The following PRPF40B variants were observed in gnomAD, a reference collection of about 807,000 sequenced individuals.
PRPF40B encodes the protein pre-mRNA processing factor 40B, also known as pre-mRNA-processing factor 40 homolog B.
A neutral mutation model predicts 124.5 loss-of-function variants in PRPF40B; 56 were observed. The ratio of observed to expected loss-of-function variants is 0.45; its 90% confidence interval spans 0.36 to 0.56. The LOEUF (loss-of-function observed/expected upper bound fraction) is 0.56. PRPF40B is among the 20% of genes least tolerant of loss of function. The probability of loss-of-function intolerance (pLI) is 0.00; values close to 1 mark genes in which losing one functional copy is unlikely to be tolerated. For synonymous variants in PRPF40B, 443 were observed against 426.4 expected (o/e 1.04, Z -0.48); for missense variants, 1,053 against 1,169.5 (o/e 0.90, Z 1.45).
intron 15 of PRPF40B, 79 bp from the exon 16 acceptor site, chr12:49,636,637 G>T: frequency 6.3e-7 from 1 of 1,590,830 alleles, no homozygotes; most frequent in Non-Finnish European, 8.6e-7. Context: ...GGACAGCATC[G>T]TTGAAACATT....
chr12:49,623,673 C>CG, intron 1 of PRPF40B, 80 bp downstream of exon 1: 3 of 985,940 alleles, frequency 3.0e-6, no homozygotes, highest in Non-Finnish European at 3.6e-6. Flanking sequence ...GCCGATGGGG[C>CG]GGGGAGGCCG....
Position 49,644,012 on chromosome 12 carries a change from G to T in PRPF40B, c.2586+8G>T. ...GGAATCAAGAAGGAGAAGGTGAGGG[G>T]CAGGGGCCCTAGGCCAGTCAGCACG... On this transcript the variant is annotated splice_region_variant and intron_variant, in intron 25 of 25. Coordinates refer to ENST00000548825, the MANE Select transcript of PRPF40B (RefSeq NM_001031698.3). 1 of 1,614,140 alleles carries T rather than the reference G, an allele frequency of 6.2e-7. No individual in the cohort carries two copies. The highest frequency in any genetic ancestry group is 8.5e-7 in the Non-Finnish European group (1 of 1,180,016).
chr12:49,637,395 T>A, intron 16 of PRPF40B, 75 bp from the exon 17 acceptor site: 1 of 995,222 alleles, frequency 1.0e-6, no homozygotes, highest in Non-Finnish European at 1.6e-6. Context: ...CCTCTGCCAT[T>A]CCCTCTCTTC....
rs892130443 is a variant in PRPF40B, at chr12:49,632,578, C to G, written c.295-18C>G. The G allele has an allele frequency of 2.5e-6, 4 of 1,613,426 alleles. No individual in the cohort carries two copies. In the African/African-American group the frequency reaches 5.3e-5, roughly 22 times the overall value. On this transcript the variant is annotated intron_variant, in intron 4 of 25. Coordinates refer to ENST00000548825, the MANE Select transcript of PRPF40B (RefSeq NM_001031698.3). ...CTGGGCTTGGCCCCAACCCTTCCCCCTCCTCTTTCTTCGGCAGACGGCTCC... is the reference window on the plus strand; with the variant it reads ...CTGGGCTTGGCCCCAACCCTTCCCCGTCCTCTTTCTTCGGCAGACGGCTCC...
chr12:49,637,917 A>G (rs1942068786), intron 18 of PRPF40B, 93 bp downstream of exon 18: 1 of 1,038,992 alleles, frequency 9.6e-7, no homozygotes, highest in Non-Finnish European at 1.5e-6. Context: ...TTGCAGAAGC[A>G]TTACAGCTTG....
In PRPF40B at chr12:49,644,094, C is replaced by T. The variant is rs1943033240; in HGVS notation, c.2587-6C>T. On this transcript the variant is annotated splice_region_variant and splice_polypyrimidine_tract_variant and intron_variant, in intron 25 of 25. Transcript: ENST00000548825. Reference sequence around the variant, plus strand: ...CTAAGGGTGAACTGTGCCTTTGCTCCAACAGACAGGCTGGGACACGTCAGA... The same window carrying T: ...CTAAGGGTGAACTGTGCCTTTGCTCTAACAGACAGGCTGGGACACGTCAGA... 6.2e-7 allele frequency: 1 copy of T among 1,614,076 alleles called. No homozygotes were observed. The highest frequency in any genetic ancestry group is 8.5e-7 in the Non-Finnish European group (1 of 1,180,054).
rs1941999816 is a variant in PRPF40B, at chr12:49,637,528, A to T, written c.1619A>T (p.Glu540Val). ...GQLHSMSTWM[E>V]LYPAVSTDVR... is the part of the protein sequence containing the mutation. ...CTGCACTCTATGTCCACCTGGATGG[A>T]GCTATATCCAGCAGTCAGCACTGAT... The change falls in exon 17 of 26, where the codon GAG (glutamate) becomes GTG (valine). Residue 540 changes from glutamate (E) to valine (V), a missense_variant. This residue lies in a region of PRPF40B where 895 missense variants were observed against 1,052.2 expected (regional missense o/e 0.85). Coordinates refer to ENST00000548825, the MANE Select transcript of PRPF40B (RefSeq NM_001031698.3). 2 of 1,613,802 alleles carry T rather than the reference A, an allele frequency of 1.2e-6. No homozygotes were observed. The highest frequency in any genetic ancestry group is 1.7e-6 in the Non-Finnish European group (2 of 1,180,018).
chr12:49,643,416 C>A lies in PRPF40B; in HGVS notation c.2380+19C>A. On this transcript the variant is annotated intron_variant, in intron 23 of 25. Transcript: ENST00000548825. ...GGAGCAGGTAAGCAGTTGCTGTGAGCGTAGAAGCTGGAGAACTGTTGTCCC... is the reference window on the plus strand; with the variant it reads ...GGAGCAGGTAAGCAGTTGCTGTGAGAGTAGAAGCTGGAGAACTGTTGTCCC... 6.5e-7 allele frequency: 1 copy of A among 1,535,396 alleles called. No homozygotes were observed. The highest frequency in any genetic ancestry group is 1.3e-5 in the South Asian group (1 of 77,570).
Position 49,641,911 on chromosome 12 carries a change from C to T in PRPF40B, c.1771C>T (p.Arg591Trp), listed in dbSNP as rs138798728. 235 of 1,612,908 alleles carry T rather than the reference C, an allele frequency of 1.5e-4. No individual in the cohort carries two copies. The highest frequency in any genetic ancestry group is 3.7e-4 in the Middle Eastern group (2 of 5,432). ...TCATGCACTGCTGTACCCACAGGAC[C>T]GGGGCTTCTGCGTGGAGGTGAACAC... ...KKIIKDILKD[R>W]GFCVEVNTAF... Residue 591 changes from arginine (R) to tryptophan (W), a missense_variant, in exon 19 of 26, where the codon CGG (arginine) becomes TGG (tryptophan). Transcript: ENST00000548825.
chr12:49,637,388 C>G, intron 16 of PRPF40B, 82 bp from the exon 17 acceptor site: 2 of 924,266 alleles, frequency 2.2e-6, no homozygotes, highest in Non-Finnish European at 3.4e-6. Context: ...GCCTCTTCCT[C>G]TGCCATTCCC....
rs1387568825 is a variant in PRPF40B, at chr12:49,642,644, G to A, written c.2087G>A (p.Arg696Gln). 12 of 1,614,142 alleles carry A rather than the reference G, an allele frequency of 7.4e-6. No homozygotes were observed. Among genetic ancestry groups the A allele is most frequent in the South Asian group, 6.6e-5 (6 of 91,058 alleles). The change falls in exon 21 of 26, where the codon CGG (arginine) becomes CAG (glutamine). Residue 696 changes from arginine to glutamine, a missense_variant. Arg to Gln is a conservative substitution (Grantham distance 43). Coordinates refer to ENST00000548825, the MANE Select transcript of PRPF40B (RefSeq NM_001031698.3). This position sits in a 1 kb window ranked among gnomAD's most constrained non-coding sequence, Gnocchi z 5.8. ...ATCACCCTGGAGTCGGAGCGGATCC[G>A]GCTCTTCCGGGAGTTCCTACAGGTG... Reference protein sequence around the residue: ...EQITLESERIRLFREFLQVLE... With the variant: ...EQITLESERIQLFREFLQVLE...
Position 49,643,728 on chromosome 12 carries a change from A to G in PRPF40B, c.2418A>G (p.Lys806=). 6.2e-7 allele frequency: 1 copy of G among 1,614,128 alleles called. No homozygotes were observed. The highest frequency in any genetic ancestry group is 8.5e-7 in the Non-Finnish European group (1 of 1,179,996). Residue 806 remains lysine, a synonymous_variant, in exon 24 of 26, where the codon AAA becomes AAG. Coordinates refer to ENST00000548825, the MANE Select transcript of PRPF40B (RefSeq NM_001031698.3). ...GLRKAKKPKK[K]TKKRRHKSNS... Reference sequence around the variant, plus strand: ...GGAAAGCCAAGAAACCAAAAAAGAAAACTAAGAAGAGAAGACACAAGTCGG... The same window carrying G: ...GGAAAGCCAAGAAACCAAAAAAGAAGACTAAGAAGAGAAGACACAAGTCGG...
Position 49,631,529 on chromosome 12 carries a change from A to G in PRPF40B, c.213A>G (p.Pro71=), listed in dbSNP as rs375858090. 1.1e-5 allele frequency: 17 copies of G among 1,547,506 alleles called. No individual in the cohort carries two copies. The highest frequency in any genetic ancestry group is 1.5e-5 in the Non-Finnish European group (17 of 1,154,850). The change falls in exon 3 of 26, where the codon CCA becomes CCG. Residue 71 remains proline, a synonymous_variant. Coordinates refer to ENST00000548825, the MANE Select transcript of PRPF40B (RefSeq NM_001031698.3). This position sits in a 1 kb window ranked among gnomAD's most constrained non-coding sequence, Gnocchi z 4.3. The stretch of plus-strand genomic sequence containing the variant: ...CAATGCTTCCACCAATGGGGGCGCC[A>G]CCACCACTCACACAGGTAATTGTCT... ...LPPMLPPMGA[P]PPLTQIPGMV... is the part of the protein sequence containing the mutation.
chr12:49,635,222 C>T lies in PRPF40B; in HGVS notation c.1125C>T (p.Phe375=). ...AGGCCAAGCAGACCCTGCAGCATTT[C>T]CTGGAGCAGCATGAACGCATGACCT... ...AKEAKQTLQH[F]LEQHERMTST... Residue 375 remains phenylalanine (F), a synonymous_variant, in exon 13 of 26, where the codon TTC becomes TTT. Coordinates refer to ENST00000548825, the MANE Select transcript of PRPF40B (RefSeq NM_001031698.3). This position sits in a 1 kb window ranked among gnomAD's most constrained non-coding sequence, Gnocchi z 4.1. 6.2e-7 allele frequency: 1 copy of T among 1,614,076 alleles called. No homozygotes were observed. The highest frequency in any genetic ancestry group is 8.5e-7 in the Non-Finnish European group (1 of 1,179,974).
Position 49,631,936 on chromosome 12 carries a change from G to A in PRPF40B, c.294+11G>A. ...CCTGTCACCGCAGCGGTAAGCACTA[G>A]GGGCCAGCAGGTAGCAGGCTCTGCC... On this transcript the variant is annotated intron_variant, in intron 4 of 25. Coordinates refer to ENST00000548825, the MANE Select transcript of PRPF40B (RefSeq NM_001031698.3). The surrounding 1 kb of genome is among the most constrained non-coding windows in gnomAD (Gnocchi z 4.3). The A allele has an allele frequency of 6.2e-7, 1 of 1,613,532 alleles. No homozygotes were observed. Among genetic ancestry groups the A allele is most frequent in the Non-Finnish European group, 8.5e-7 (1 of 1,179,488 alleles).
chr12:49,637,069 A>C, intron 16 of PRPF40B: 3 of 694,136 alleles, frequency 4.3e-6, no homozygotes, highest in Non-Finnish European at 4.7e-6. Flanking sequence ...CACCACCCAG[A>C]AACTGCCAGT....
intron 1 of PRPF40B, among the ~76,000 whole-genome samples, chr12:49,625,680 G>C (rs1241449010): frequency 6.6e-6 from 1 of 152,294 alleles, no homozygotes; most frequent in Non-Finnish European, 1.5e-5. Context: ...AGATGATCAA[G>C]TGTCTCTTCA....
chr12:49,643,588 G>C (rs933555184), intron 23 of PRPF40B, 103 bp from the exon 24 acceptor site: 2 of 1,404,928 alleles, frequency 1.4e-6, no homozygotes, highest in East Asian at 4.7e-5. Flanking sequence ...CTTCCTCAGA[G>C]CATGAGGTTC....
In PRPF40B at chr12:49,644,591, AC is replaced by A. The variant is rs1410576437; in HGVS notation, c.*400del. On this transcript the variant is annotated 3_prime_UTR_variant, in exon 26 of 26. Transcript: ENST00000548825. ...CCTGCCCTGGCCCTGAGGCTCCACC[AC>A]TTCTTCCTCCACCCAGGACCTAATG... The A allele has an allele frequency of 4.2e-6, 1 of 235,326 alleles. No individual in the cohort carries two copies. The highest frequency in any genetic ancestry group is 2.2e-5 in the African/African-American group (1 of 44,620). The allele number at this position is 235,326 out of a possible 1,614,324, so 14.6% of individuals were successfully genotyped here.
Sources: allele counts gnomAD v4.1 joint callset (sites outside exome capture counted in the v4.1 genomes callset), GRCh38; gene constraint gnomAD v4.1.1; regional missense constraint gnomAD v4.1.1; non-coding constraint Gnocchi (gnomAD v3.1); transcripts MANE v1.5; gene names NCBI Gene and HGNC (gene_info 2026-07-23, HGNC 2026-07-21).